Variants in LRRC7 observed in about 807,000 individuals in gnomAD.
The protein encoded by LRRC7 is leucine-rich repeat-containing protein 7.
In LRRC7, 23 loss-of-function variants were observed where a neutral mutation model predicts 175.7. The ratio of observed to expected loss-of-function variants is 0.13; its 90% CI spans 0.09 to 0.19. The LOEUF (loss-of-function observed/expected upper bound fraction) is 0.19. LRRC7 is among the 10% of genes least tolerant of loss of function. The pLI is 1.00. For synonymous variants in LRRC7, 685 were observed against 680.9 expected (o/e 1.01, Z -0.09); for missense variants, 1,354 against 1,904.7 (o/e 0.71, Z 5.38).
intron 8 of LRRC7, among the ~76,000 whole-genome samples, chr1:69,945,033 T>C (rs545497108): frequency 2.9e-4 from 44 of 152,282 alleles, no homozygotes; most frequent in Non-Finnish European, 5.6e-4. Context: ...TGTCTATTTT[T>C]ACTTCTTTTG....
intron 8 of LRRC7, among the ~76,000 whole-genome samples, chr1:69,972,772 C>G (rs556088618): frequency 1.3e-5 from 2 of 152,002 alleles, no homozygotes; most frequent in South Asian, 4.2e-4. Context: ...TACTGGGTAT[C>G]TACCCAGAAG....
chr1:69,762,437 CGTA>C (rs1671139624), intron 3 of LRRC7, among the ~76,000 whole-genome samples: 1 of 151,840 alleles, frequency 6.6e-6, no homozygotes, highest in Non-Finnish European at 1.5e-5. Context: ...CATTGTAGAG[CGTA>C]TGTATAGAGA....
At chr1:69,783,762 A>G (rs535349068) in intron 3 of LRRC7, among the ~76,000 whole-genome samples, 1,628 of 103,326 alleles carry the variant, frequency 0.016, 11 homozygotes, top group Middle Eastern at 0.056. Flanking sequence ...TCAAAAAAAA[A>G]AAAAAAAAAA....
chr1:69,949,175 A>G (rs1012724946), intron 8 of LRRC7, among the ~76,000 whole-genome samples: 2 of 151,864 alleles, frequency 1.3e-5, no homozygotes, highest in African/African-American at 4.8e-5. Flanking sequence ...CCCCTCACCA[A>G]TCTCCCAGTC....
intron 8 of LRRC7, among the ~76,000 whole-genome samples, chr1:69,969,039 C>T (rs12023463): frequency 0.062 from 9,350 of 151,858 alleles, 282 homozygotes; most frequent in South Asian, 0.11. Context: ...AGGATGGTCT[C>T]GATCTCCTGA....
intron 7 of LRRC7, among the ~76,000 whole-genome samples, chr1:69,845,499 T>A (rs1327870972): frequency 6.6e-6 from 1 of 152,120 alleles, no homozygotes; most frequent in African/African-American, 2.4e-5. Context: ...ATCTAAAATA[T>A]AATAGATTTG....
intron 1 of LRRC7, among the ~76,000 whole-genome samples, chr1:69,650,227 T>C (rs1655597201): frequency 6.6e-6 from 1 of 152,082 alleles, no homozygotes; most frequent in African/African-American, 2.4e-5. Flanking sequence ...TGGAATATTA[T>C]TGAAAAACAT....
At position 70,038,852 on chromosome 1, in the gene LRRC7, A is replaced by C; in HGVS notation, c.3028A>C (p.Ser1010Arg). 1.2e-6 allele frequency: 2 copies of C among 1,613,874 alleles called. No individual in the cohort carries two copies. The highest frequency in any genetic ancestry group is 1.7e-6 in the Non-Finnish European group (2 of 1,179,952). Residue 1010 changes from serine to arginine, a missense_variant, in exon 21 of 27, where the codon AGT becomes CGT. Transcript: ENST00000651989. ...ACCATTAGAAAACTATGCTTCTGGG[A>C]GTGATCACTTAGGAAGCCACGAACG... is the stretch of plus-strand genomic sequence containing the variant. ...NIPLENYASG[S>R]DHLGSHERPD...
intron 8 of LRRC7, among the ~76,000 whole-genome samples, chr1:69,954,045 C>T (rs1570788107): frequency 6.6e-6 from 1 of 151,992 alleles, no homozygotes; most frequent in South Asian, 2.1e-4. Context: ...CTGGCCCAGC[C>T]ATTTGAACAT....
chr1:69,658,725 T>A lies in LRRC7; in HGVS notation c.3-19656T>A, dbSNP rs185254649. 8.8e-4 allele frequency among the ~76,000 whole-genome samples: 134 copies of A among 152,038 alleles called. No individual in the cohort carries two copies. The Middle Eastern group carries it at 0.014, about 15-fold the overall frequency. On this transcript the variant is annotated intron_variant, in intron 1 of 26. Coordinates refer to ENST00000651989, the MANE Select transcript of LRRC7 (RefSeq NM_001370785.2). ...AAAGGAACCACATCCTGTATCAAAG[T>A]CAGCAGTAACAAGAATCAGAAGAAT...
At chr1:69,779,276 A>G (rs750803237) in intron 3 of LRRC7, among the ~76,000 whole-genome samples, 26 of 152,282 alleles carry the variant, frequency 1.7e-4, no homozygotes, top group Non-Finnish European at 3.1e-4. Context: ...TATCCTTTAT[A>G]ATTTACCTTA....
intron 1 of LRRC7, among the ~76,000 whole-genome samples, chr1:69,608,544 A>T (rs1255220733): frequency 6.6e-6 from 1 of 152,020 alleles, no homozygotes; most frequent in Non-Finnish European, 1.5e-5. Flanking sequence ...GTGTCCCATA[A>T]CACCTTAAAA....
intron 13 of LRRC7, among the ~76,000 whole-genome samples, chr1:70,016,248 T>G (rs758127957): frequency 6.6e-6 from 1 of 152,178 alleles, no homozygotes; most frequent in Non-Finnish European, 1.5e-5. Flanking sequence ...TAACCATACA[T>G]GTTAAACATT....
rs572455575 is a variant in LRRC7, at chr1:69,974,847, T to A, written c.712-5532T>A. 9.8e-5 allele frequency among the ~76,000 whole-genome samples: 15 copies of A among 152,322 alleles called. No individual in the cohort carries two copies. In the South Asian group the frequency reaches 2.9e-3, roughly 29 times the overall value. ...GCTTTACTTTATTGGGTATTTGTGA[T>A]CACCAACTCTCTTCATTATTTTGGA... is the stretch of plus-strand genomic sequence containing the variant. On this transcript the variant is annotated intron_variant, in intron 8 of 26. Transcript: ENST00000651989.
intron 7 of LRRC7, among the ~76,000 whole-genome samples, chr1:69,924,259 T>C (rs1646985939): frequency 6.6e-6 from 1 of 152,174 alleles, no homozygotes; most frequent in African/African-American, 2.4e-5. Context: ...TTTGTTCTTT[T>C]GGCTTAGGAT....
intron 4 of LRRC7, among the ~76,000 whole-genome samples, chr1:69,798,211 C>T (rs192133195): frequency 6.6e-4 from 100 of 152,234 alleles, no homozygotes; most frequent in African/African-American, 2.3e-3. Context: ...TGAGCCACCG[C>T]GCCTGGCTGA....
chr1:69,795,247 G>A (rs1336887522), intron 4 of LRRC7, among the ~76,000 whole-genome samples: 3 of 152,120 alleles, frequency 2.0e-5, no homozygotes, highest in Admixed American at 6.5e-5. Flanking sequence ...GGATGTGGTG[G>A]CACATGCCTG....
chr1:69,625,451 T>C (rs1002773090), intron 1 of LRRC7, among the ~76,000 whole-genome samples: 3 of 150,118 alleles, frequency 2.0e-5, no homozygotes, highest in African/African-American at 4.9e-5. Context: ...CTGCACTCTA[T>C]GTTTTCTTGA....
intron 2 of LRRC7, among the ~76,000 whole-genome samples, chr1:69,759,036 C>A (rs1670744323): frequency 6.6e-6 from 1 of 151,848 alleles, no homozygotes; most frequent in Non-Finnish European, 1.5e-5. Context: ...AGAGAACTTG[C>A]CTGATACATG....
Sources: gnomAD v4.1 joint callset for allele counts (sites outside exome capture counted in the v4.1 genomes callset) on GRCh38, gnomAD v4.1.1 for gene constraint, MANE v1.5 for transcripts, NCBI Gene and HGNC (gene_info 2026-07-23, HGNC 2026-07-21) for gene names.